ADARB2: variants seen among roughly 807,000 people sequenced by gnomAD.
ADARB2 encodes the protein adenosine deaminase RNA specific B2 (inactive).
In ADARB2, 25 loss-of-function variants were observed where a neutral mutation model predicts 62.2. The observed-to-expected ratio is 0.40, with a 90% confidence interval of 0.29 to 0.56. ADARB2 has a LOEUF of 0.56. ADARB2 is among the 20% of genes least tolerant of loss of function. ADARB2 has a pLI of 0.43. For missense variants in ADARB2, 1,071 were observed against 1,077.4 expected, an observed-to-expected ratio of 0.99 and a Z score of 0.08; for synonymous variants, 572 against 500.8, an observed-to-expected ratio of 1.14 and a Z score of -1.90.
intron 2 of ADARB2, among the ~76,000 whole-genome samples, chr10:1,376,018 TCACA>T (rs1229878112): frequency 2.0e-5 from 3 of 150,138 alleles, no homozygotes; most frequent in Non-Finnish European, 3.0e-5. Context: ...ACACGTGAAC[TCACA>T]CACCCCACAC....
chr10:1,684,837 C>T (rs538556016), intron 1 of ADARB2, among the ~76,000 whole-genome samples: 39 of 152,194 alleles, frequency 2.6e-4, no homozygotes, highest in Non-Finnish European at 3.8e-4. Flanking sequence ...CTCAGGAATG[C>T]GTGAGTTCTG....
chr10:1,432,354 T>A (rs1157720275), intron 1 of ADARB2, among the ~76,000 whole-genome samples: 2 of 152,022 alleles, frequency 1.3e-5, no homozygotes, highest in East Asian at 3.9e-4. Flanking sequence ...TATTAGCTCA[T>A]GAGGTCAGTC....
chr10:1,464,190 AGGGTG>A (rs1471651257), intron 1 of ADARB2, among the ~76,000 whole-genome samples: 3 of 140,540 alleles, frequency 2.1e-5, no homozygotes, highest in African/African-American at 7.8e-5. Context: ...GCCGGAGAAG[AGGGTG>A]GACACACACT....
chr10:1,289,763 A>G (rs1429372092), intron 3 of ADARB2, among the ~76,000 whole-genome samples: 1 of 152,172 alleles, frequency 6.6e-6, no homozygotes, highest in Non-Finnish European at 1.5e-5. Flanking sequence ...CCCTGGGGGG[A>G]CCGCCCGACC....
intron 6 of ADARB2, among the ~76,000 whole-genome samples, chr10:1,232,924 GGTGT>G (rs796798834): frequency 5.3e-5 from 8 of 151,580 alleles, no homozygotes; most frequent in African/African-American, 1.2e-4. Context: ...TGGTATATGT[GGTGT>G]GTGTGTGGTG....
At position 1,692,381 on chromosome 10, in the gene ADARB2, C is replaced by G. The variant is rs77666323; in HGVS notation, c.100+44670G>C. On this transcript the variant is annotated intron_variant, in intron 1 of 9. Coordinates refer to ENST00000381312, the MANE Select transcript of ADARB2 (RefSeq NM_018702.4). ...TTCAGACAAGGTTAGCTGGGGAGGC[C>G]GTCACCGGGAGCCTGAGTCCATGGA... 3.1e-3 allele frequency among the ~76,000 whole-genome samples: 466 copies of G among 152,236 alleles called. 2 individuals carry two copies. The highest frequency in any genetic ancestry group is 0.011 in the African/African-American group (437 of 41,532).
In ADARB2 at chr10:1,233,760, G is replaced by C; in HGVS notation, c.1447C>G (p.Leu483Val). 4 of 1,613,998 alleles carry C rather than the reference G, an allele frequency of 2.5e-6. No homozygotes were observed. The Admixed American group carries it at 6.7e-5, about 27-fold the overall frequency. ...YRLRENILFH[L>V]YVSTSPCGDA... The stretch of plus-strand genomic sequence containing the variant: ...CCACAGGGGGAGGTGCTCACGTAGA[G>C]ATGGAAGAGGATGTTCTCTCGCAGC... The change falls in exon 6 of 10, where the codon CTC (leucine) becomes GTC (valine). Residue 483 changes from leucine (L) to valine (V), a missense_variant. Leu to Val is a conservative substitution (Grantham distance 32, BLOSUM62 1). Coordinates refer to ENST00000381312, the MANE Select transcript of ADARB2 (RefSeq NM_018702.4).
chr10:1,723,414 G>C (rs766981680), intron 1 of ADARB2, among the ~76,000 whole-genome samples: 16 of 152,098 alleles, frequency 1.1e-4, no homozygotes, highest in South Asian at 2.1e-4. Flanking sequence ...GGGCCGGAGG[G>C]ACCAGGCTCT....
chr10:1,663,695 C>G (rs1834279299), intron 1 of ADARB2, among the ~76,000 whole-genome samples: 1 of 151,976 alleles, frequency 6.6e-6, no homozygotes. Context: ...TCTCGGCTCA[C>G]TGCAATCTCT....
Position 1,455,092 on chromosome 10 carries a change from A to T in ADARB2, c.101-75932T>A, listed in dbSNP as rs1442399318. On this transcript the variant is annotated intron_variant, in intron 1 of 9. Transcript: ENST00000381312. ...AAGAGTGGATACCTTGTCACTGAAC[A>T]ACGTGATTTTCCCAGGTACAGTTTA... Among the ~76,000 whole-genome samples the T allele has an allele frequency of 2.0e-5, 3 of 152,110 alleles. No homozygotes were observed. The South Asian group carries it at 6.2e-4, about 32-fold the overall frequency.
intron 1 of ADARB2, among the ~76,000 whole-genome samples, chr10:1,524,304 A>G (rs1832113045): frequency 6.6e-6 from 1 of 152,238 alleles, no homozygotes; most frequent in Admixed American, 6.5e-5. Context: ...ATCACCACAT[A>G]TAAGTCCCAC....
At chr10:1,308,007 C>T (rs1462818922) in intron 3 of ADARB2, among the ~76,000 whole-genome samples, 11 of 148,712 alleles carry the variant, frequency 7.4e-5, no homozygotes, top group Middle Eastern at 3.5e-3. Context: ...GTGCAGCACA[C>T]CAGCATGGCA....
At chr10:1,412,433 C>T (rs1158566130) in intron 1 of ADARB2, among the ~76,000 whole-genome samples, 2 of 151,668 alleles carry the variant, frequency 1.3e-5, no homozygotes, top group East Asian at 3.9e-4. Context: ...TGGGCTTTAG[C>T]TATGTGAGGT....
intron 1 of ADARB2, among the ~76,000 whole-genome samples, chr10:1,735,576 G>A (rs964518420): frequency 2.6e-5 from 4 of 152,068 alleles, no homozygotes; most frequent in African/African-American, 9.7e-5. Flanking sequence ...TATTCAATCC[G>A]GTGACTTTCT....
At chr10:1,368,408 C>T (rs1386434610) in intron 2 of ADARB2, among the ~76,000 whole-genome samples, 1 of 152,106 alleles carries the variant, frequency 6.6e-6, no homozygotes, top group Non-Finnish European at 1.5e-5. Context: ...AGCCGCATCT[C>T]GCCCACCTTG....
rs1054254940 is a variant in ADARB2, at chr10:1,704,546, T to C, written c.100+32505A>G. On this transcript the variant is annotated intron_variant, in intron 1 of 9. Coordinates refer to ENST00000381312, the MANE Select transcript of ADARB2 (RefSeq NM_018702.4). The surrounding 1 kb of genome is among the most constrained non-coding windows in gnomAD (Gnocchi z 5.6). The stretch of plus-strand genomic sequence containing the variant: ...GAGTGGCAGAGAGTGGCTGTAAATA[T>C]AGATGAAGCCTTGCTCACTAACCTC... Among the ~76,000 whole-genome samples, 21 of 152,276 alleles carry C rather than the reference T, an allele frequency of 1.4e-4. No homozygotes were observed. Among genetic ancestry groups the C allele is most frequent in the African/African-American group, 4.1e-4 (17 of 41,558 alleles).
chr10:1,296,318 GA>G (rs1317655012), intron 3 of ADARB2, among the ~76,000 whole-genome samples: 1 of 152,124 alleles, frequency 6.6e-6, no homozygotes, highest in Non-Finnish European at 1.5e-5. Context: ...GCAGACTGTA[GA>G]AAAATGTGAA....
chr10:1,400,092 G>C (rs1832649064), intron 1 of ADARB2, among the ~76,000 whole-genome samples: 1 of 152,230 alleles, frequency 6.6e-6, no homozygotes. Context: ...ATGGAATGGG[G>C]TGTGTGGTGG....
At chr10:1,570,209 G>A (rs2131991963) in intron 1 of ADARB2, among the ~76,000 whole-genome samples, 1 of 152,328 alleles carries the variant, frequency 6.6e-6, no homozygotes, top group East Asian at 1.9e-4. Flanking sequence ...ATATGTTGAA[G>A]TTGAGTGTGC....
Sources: gnomAD v4.1 joint callset for allele counts (sites outside exome capture counted in the v4.1 genomes callset) on GRCh38, gnomAD v4.1.1 for gene constraint, Gnocchi (gnomAD v3.1) non-coding constraint, MANE v1.5 for transcripts, NCBI Gene and HGNC (gene_info 2026-07-23, HGNC 2026-07-21) for gene names.